PALLD: variants seen among roughly 807,000 people sequenced by gnomAD.
PALLD encodes palladin.
A neutral mutation model predicts 123.5 loss-of-function variants in PALLD; 61 were observed. That is an observed-to-expected ratio of 0.49 (90% CI 0.40 to 0.61). PALLD has a LOEUF of 0.61. Among genes scored for constraint, PALLD ranks in the 20% least tolerant of loss-of-function variants. The probability of loss-of-function intolerance (pLI) is 0.00; values close to 1 mark genes in which losing one functional copy is unlikely to be tolerated. For synonymous variants in PALLD, 465 were observed against 496.4 expected (o/e 0.94, Z 0.84); for missense variants, 1,273 against 1,377.0 (o/e 0.92, Z 1.20).
chr4:168,503,845 C>T (rs1031396512), intron 1 of PALLD, among the ~76,000 whole-genome samples: 5 of 152,050 alleles, frequency 3.3e-5, no homozygotes, highest in Admixed American at 6.5e-5. Flanking sequence ...AGGCTGTCCA[C>T]GGGTATGTTT....
intron 2 of PALLD, among the ~76,000 whole-genome samples, chr4:168,588,703 T>C (rs55798427): frequency 0.099 from 15,030 of 151,188 alleles, 801 homozygotes; most frequent in Admixed American, 0.13. Flanking sequence ...CTACCGTGCC[T>C]GGCTGAGTGT....
At chr4:168,786,815 AAC>A (rs1435478090) in intron 10 of PALLD, among the ~76,000 whole-genome samples, 1 of 152,252 alleles carries the variant, frequency 6.6e-6, no homozygotes, top group South Asian at 2.1e-4. Flanking sequence ...AGAAAATTAT[AAC>A]ACTGTTATTA....
intron 10 of PALLD, among the ~76,000 whole-genome samples, chr4:168,733,540 G>A (rs1254930329): frequency 7.3e-6 from 1 of 137,480 alleles, no homozygotes. Context: ...TTAGGTGTTA[G>A]CAATTAAGAA....
At chr4:168,780,739 G>A (rs961088760) in intron 10 of PALLD, among the ~76,000 whole-genome samples, 1 of 152,186 alleles carries the variant, frequency 6.6e-6, no homozygotes, top group African/African-American at 2.4e-5. Flanking sequence ...CCAGGCTGGA[G>A]TGCAGTGGCA....
chr4:168,655,412 G>A (rs1002012476), intron 2 of PALLD, among the ~76,000 whole-genome samples: 3 of 152,172 alleles, frequency 2.0e-5, no homozygotes, highest in Non-Finnish European at 4.4e-5. Flanking sequence ...TGGTTCCTCA[G>A]AGACCACACT....
intron 2 of PALLD, among the ~76,000 whole-genome samples, chr4:168,586,564 T>G (rs1406264795): frequency 6.6e-6 from 1 of 152,174 alleles, no homozygotes; most frequent in Non-Finnish European, 1.5e-5. Context: ...TTTCTAGAAC[T>G]GCCAAGCTAA....
At chr4:168,799,920 A>G (rs1014693645) in intron 10 of PALLD, among the ~76,000 whole-genome samples, 1 of 152,158 alleles carries the variant, frequency 6.6e-6, no homozygotes, top group African/African-American at 2.4e-5. Flanking sequence ...GTATTCATGC[A>G]CTTATATAGG....
Position 168,693,425 on chromosome 4 carries a change from G to T in PALLD, c.1501+2133G>T, listed in dbSNP as rs541007347. 3.9e-5 allele frequency among the ~76,000 whole-genome samples: 6 copies of T among 152,256 alleles called. No individual in the cohort carries two copies. The South Asian group carries it at 1.0e-3, about 26-fold the overall frequency. On this transcript the variant is annotated intron_variant, in intron 8 of 21. Transcript: ENST00000505667. ...CATGGAATCACCTGACCTCTAGAAC[G>T]TACTTAAATGCCATTTGCTTTAATG...
intron 2 of PALLD, among the ~76,000 whole-genome samples, chr4:168,580,616 T>A (rs765201058): frequency 1.3e-5 from 2 of 152,044 alleles, no homozygotes; most frequent in Non-Finnish European, 2.9e-5. Context: ...AACAATCACA[T>A]TACCGGGTAT....
intron 2 of PALLD, among the ~76,000 whole-genome samples, chr4:168,638,933 CCT>C (rs1429650051): frequency 1.3e-5 from 2 of 152,130 alleles, no homozygotes; most frequent in African/African-American, 4.8e-5. Flanking sequence ...CTTGCTGACC[CCT>C]CTCATGTTCC....
chr4:168,816,409 A>AT lies in PALLD; in HGVS notation c.1965-74512dup, dbSNP rs1408452372. ...TGTGTGTATATATATATATATATATATATATTTTTTTTAAGTATTAGATTG... is the reference window on the plus strand; with the variant it reads ...TGTGTGTATATATATATATATATATATTATATTTTTTTTAAGTATTAGATTG... On this transcript the variant is annotated intron_variant, in intron 10 of 21. Transcript: ENST00000505667. Among the ~76,000 whole-genome samples, 181 of 116,392 alleles carry AT rather than the reference A, an allele frequency of 1.6e-3. 1 individual carries two copies. The highest frequency in any genetic ancestry group is 6.0e-3 in the African/African-American group (165 of 27,544). The allele number at this position is 116,392 out of a possible 152,430, so 76.4% of individuals were successfully genotyped here.
chr4:168,795,762 C>T (rs147928293), intron 10 of PALLD, among the ~76,000 whole-genome samples: 1 of 149,728 alleles, frequency 6.7e-6, no homozygotes, highest in African/African-American at 2.5e-5. Context: ...GGCTGGGGTG[C>T]AGTTGTGTGA....
intron 10 of PALLD, among the ~76,000 whole-genome samples, chr4:168,873,900 A>C (rs1751407503): frequency 1.3e-5 from 2 of 152,208 alleles, no homozygotes; most frequent in Non-Finnish European, 2.9e-5. Context: ...GAGCAGTGCT[A>C]AAACCAGCCA....
chr4:168,902,195 A>C (rs1756665673), intron 14 of PALLD, among the ~76,000 whole-genome samples: 1 of 152,260 alleles, frequency 6.6e-6, no homozygotes. Context: ...ACCAATTTAC[A>C]TACTGATTTA....
chr4:168,907,222 T>C (rs756068664), intron 15 of PALLD, among the ~76,000 whole-genome samples: 10 of 152,222 alleles, frequency 6.6e-5, no homozygotes, highest in Admixed American at 6.5e-5. Context: ...GTTACTGTCA[T>C]TATTTTAATT....
intron 2 of PALLD, among the ~76,000 whole-genome samples, chr4:168,614,670 T>C (rs1051393115): frequency 6.6e-6 from 1 of 152,186 alleles, no homozygotes; most frequent in Non-Finnish European, 1.5e-5. Flanking sequence ...CCCTAGACCA[T>C]CCACTAACTT....
chr4:168,820,636 A>G (rs778670857), intron 10 of PALLD, among the ~76,000 whole-genome samples: 3 of 152,084 alleles, frequency 2.0e-5, no homozygotes, highest in Admixed American at 6.6e-5. Context: ...ATGAACTTGC[A>G]TTACTTCAGT....
chr4:168,512,871 G>A (rs1236693517), intron 2 of PALLD, among the ~76,000 whole-genome samples: 1 of 152,050 alleles, frequency 6.6e-6, no homozygotes, highest in Non-Finnish European at 1.5e-5. Flanking sequence ...CCCCAATAAC[G>A]CATTAAAGGG....
chr4:168,880,820 A>G (rs1336758492), intron 10 of PALLD, among the ~76,000 whole-genome samples: 1 of 152,264 alleles, frequency 6.6e-6, no homozygotes, highest in Non-Finnish European at 1.5e-5. Context: ...TATGTAACAC[A>G]ATGAAGTAGA....
Sources: gnomAD v4.1 joint callset for allele counts (sites outside exome capture counted in the v4.1 genomes callset) on GRCh38, gnomAD v4.1.1 for gene constraint, MANE v1.5 for transcripts, NCBI Gene and HGNC (gene_info 2026-07-23, HGNC 2026-07-21) for gene names.